Variants in PHKB observed in about 807,000 individuals in gnomAD.
The protein encoded by PHKB is phosphorylase kinase regulatory subunit beta, also known as phosphorylase b kinase regulatory subunit beta.
PHKB carries 122 observed loss-of-function variants against 152.1 expected under a neutral mutation model. The observed-to-expected ratio is 0.80, with a 90% CI of 0.69 to 0.93. PHKB has a LOEUF of 0.93. PHKB is among the 40% of genes least tolerant of loss of function. The pLI is 0.00. For missense variants in PHKB, 1,304 were observed against 1,328.4 expected, an observed-to-expected ratio of 0.98 and a Z score of 0.29; for synonymous variants, 436 against 464.9, an observed-to-expected ratio of 0.94 and a Z score of 0.80.
At chr16:47,513,839 G>A (rs2151650737) in intron 5 of PHKB, among the ~76,000 whole-genome samples, 1 of 152,256 alleles carries the variant, frequency 6.6e-6, no homozygotes, top group South Asian at 2.1e-4. Context: ...TTTAATAACA[G>A]TTTTATTGAG....
chr16:47,647,673 A>G (rs1290045679), intron 16 of PHKB, among the ~76,000 whole-genome samples: 1 of 151,318 alleles, frequency 6.6e-6, no homozygotes, highest in Non-Finnish European at 1.5e-5. Context: ...AATTTTTTGT[A>G]TTTTTGGTAG....
intron 26 of PHKB, among the ~76,000 whole-genome samples, chr16:47,683,875 C>T (rs1973911771): frequency 6.6e-6 from 1 of 152,176 alleles, no homozygotes; most frequent in Non-Finnish European, 1.5e-5. Flanking sequence ...AACTGTAGAC[C>T]GGAGCTGTTC....
intron 27 of PHKB, among the ~76,000 whole-genome samples, chr16:47,691,545 A>G (rs1974060628): frequency 6.6e-6 from 1 of 152,110 alleles, no homozygotes; most frequent in Admixed American, 6.5e-5. Flanking sequence ...TCTCTACAAA[A>G]AACACAAAAA....
At chr16:47,680,420 G>A (rs1476869570) in intron 26 of PHKB, among the ~76,000 whole-genome samples, 1 of 152,136 alleles carries the variant, frequency 6.6e-6, no homozygotes, top group Non-Finnish European at 1.5e-5. Flanking sequence ...TGGTTGGTAA[G>A]CTATTAATTA....
chr16:47,507,618 A>G (rs1970442697), intron 4 of PHKB, among the ~76,000 whole-genome samples: 1 of 152,140 alleles, frequency 6.6e-6, no homozygotes, highest in Admixed American at 6.5e-5. Flanking sequence ...TCAGCCTCCC[A>G]AAGTGCTAGG....
chr16:47,669,019 G>A (rs1200647219), intron 25 of PHKB, among the ~76,000 whole-genome samples, 196 bp from the exon 26 acceptor site: 1 of 152,064 alleles, frequency 6.6e-6, no homozygotes, highest in Non-Finnish European at 1.5e-5. Flanking sequence ...AGACTAGACT[G>A]TGAACCATCA....
intron 22 of PHKB, among the ~76,000 whole-genome samples, chr16:47,661,279 C>T (rs1973439024): frequency 1.3e-5 from 2 of 152,110 alleles, no homozygotes; most frequent in Non-Finnish European, 2.9e-5. Flanking sequence ...AACAAGTCCC[C>T]TCCTATCATC....
intron 13 of PHKB, among the ~76,000 whole-genome samples, chr16:47,601,596 T>C (rs1290350273): frequency 6.6e-6 from 1 of 151,730 alleles, no homozygotes; most frequent in Non-Finnish European, 1.5e-5. Context: ...TCCCAATTAC[T>C]CAGGAGGCTG....
chr16:47,696,424 C>T lies in PHKB; in HGVS notation c.2939C>T (p.Ser980Phe), dbSNP rs749656778. The part of the protein sequence containing the change: ...SDMTMYEMNF[S>F]LLVEDTLGNI... ...ATGACCATGTATGAGATGAATTTCT[C>T]TCTCCTTGTTGAAGACACGTTGGGA... The change falls in exon 29 of 31, where the codon TCT becomes TTT. Residue 980 changes from serine to phenylalanine, a missense_variant. Ser to Phe is a radical substitution (Grantham distance 155). Transcript: ENST00000323584. 1.8e-5 allele frequency: 29 copies of T among 1,611,692 alleles called. No individual in the cohort carries two copies. Among genetic ancestry groups the T allele is most frequent in the Non-Finnish European group, 2.1e-5 (25 of 1,177,882 alleles).
At chr16:47,550,230 G>A (rs573929375) in intron 7 of PHKB, among the ~76,000 whole-genome samples, 2 of 152,264 alleles carry the variant, frequency 1.3e-5, no homozygotes, top group East Asian at 1.9e-4. Flanking sequence ...GGTAGTGGGC[G>A]GCCAGTATCC....
At chr16:47,574,311 G>T (rs938501389) in intron 7 of PHKB, among the ~76,000 whole-genome samples, 1 of 152,198 alleles carries the variant, frequency 6.6e-6, no homozygotes, top group Non-Finnish European at 1.5e-5. Context: ...CAGTGTCAAT[G>T]TGTAATCATG....
chr16:47,560,970 G>A (rs1258202667), intron 7 of PHKB, among the ~76,000 whole-genome samples: 1 of 152,210 alleles, frequency 6.6e-6, no homozygotes, highest in Non-Finnish European at 1.5e-5. Flanking sequence ...GACCTGGGAT[G>A]TTGGAAGGTG....
In PHKB at chr16:47,482,245, A is replaced by T. The variant is rs569364676; in HGVS notation, c.77-15154A>T. ...GTATAGTGTGGGAAAGGCTAATGCC[A>T]TCTCTTCCTTGTTTCACTTAGCCAA... On this transcript the variant is annotated intron_variant, in intron 1 of 30. Transcript: ENST00000323584. Among the ~76,000 whole-genome samples, 292 of 152,362 alleles carry T rather than the reference A, an allele frequency of 1.9e-3. 1 individual carries two copies. The highest frequency in any genetic ancestry group is 6.7e-3 in the African/African-American group (277 of 41,588).
At chr16:47,671,171 ATAT>A (rs1235856534) in intron 26 of PHKB, among the ~76,000 whole-genome samples, 1 of 152,202 alleles carries the variant, frequency 6.6e-6, no homozygotes, top group Non-Finnish European at 1.5e-5. Flanking sequence ...TGTTTGTCAA[ATAT>A]TATTGCCATA....
intron 14 of PHKB, among the ~76,000 whole-genome samples, chr16:47,625,461 T>C (rs1567332152): frequency 6.6e-6 from 1 of 152,158 alleles, no homozygotes; most frequent in Non-Finnish European, 1.5e-5. Flanking sequence ...TGTCACTCTT[T>C]TGCTTGCCTG....
intron 14 of PHKB, among the ~76,000 whole-genome samples, chr16:47,627,271 C>T (rs1972727630): frequency 1.2e-4 from 18 of 152,214 alleles, no homozygotes. Flanking sequence ...GCTATGAGAA[C>T]ACCGTAGGTC....
chr16:47,543,794 G>A (rs191571285), intron 6 of PHKB, among the ~76,000 whole-genome samples: 73 of 152,282 alleles, frequency 4.8e-4, no homozygotes, highest in African/African-American at 1.7e-3. Flanking sequence ...GAATAGAGGT[G>A]TTTGTAGTAT....
At chr16:47,555,721 A>T (rs1182654143) in intron 7 of PHKB, among the ~76,000 whole-genome samples, 2 of 152,196 alleles carry the variant, frequency 1.3e-5, no homozygotes, top group African/African-American at 4.8e-5. Flanking sequence ...ATTAAAATGT[A>T]AGATCATGTT....
At chr16:47,544,838 C>T (rs1410427861) in intron 6 of PHKB, among the ~76,000 whole-genome samples, 1 of 152,136 alleles carries the variant, frequency 6.6e-6, no homozygotes, top group Non-Finnish European at 1.5e-5. Context: ...ATCCCTTTAC[C>T]ATTATGTAAT....
Sources: allele counts gnomAD v4.1 joint callset (sites outside exome capture counted in the v4.1 genomes callset), GRCh38; gene constraint gnomAD v4.1.1; transcripts MANE v1.5; gene names NCBI Gene and HGNC (gene_info 2026-07-23, HGNC 2026-07-21).